Variants in ANK3 observed in about 807,000 individuals in gnomAD.
The protein encoded by ANK3 is ankyrin-3.
A neutral mutation model predicts 370.9 loss-of-function variants in ANK3; 57 were observed. The ratio of observed to expected loss-of-function variants is 0.15; its 90% CI spans 0.12 to 0.19. The LOEUF is 0.19. ANK3 is among the 10% of genes least tolerant of loss of function. ANK3 has a pLI of 1.00. For synonymous variants in ANK3, 1,929 were observed against 1,946.3 expected, an observed-to-expected ratio of 0.99 and a Z score of 0.23; for missense variants, 4,439 against 5,302.1, an observed-to-expected ratio of 0.84 and a Z score of 5.06.
intron 16 of ANK3, among the ~76,000 whole-genome samples, chr10:60,191,632 C>A (rs1178445191): frequency 2.0e-5 from 3 of 152,036 alleles, no homozygotes; most frequent in Non-Finnish European, 2.9e-5. Flanking sequence ...TTAGTAGGAA[C>A]GTAAATTAAT....
At chr10:60,447,486 C>T (rs1173973467) in intron 2 of ANK3, among the ~76,000 whole-genome samples, 1 of 152,070 alleles carries the variant, frequency 6.6e-6, no homozygotes, top group Non-Finnish European at 1.5e-5. Context: ...GTCCGTGCTA[C>T]TCCAGTAGTA....
chr10:60,631,373 C>G (rs758797971), intron 1 of ANK3, among the ~76,000 whole-genome samples: 15 of 150,120 alleles, frequency 1.0e-4, no homozygotes, highest in Non-Finnish European at 1.9e-4. Context: ...CTAAAAATAC[C>G]AAAAAAAAAT....
intron 2 of ANK3, among the ~76,000 whole-genome samples, chr10:60,428,627 G>A (rs946474969): frequency 2.0e-5 from 3 of 152,122 alleles, no homozygotes; most frequent in East Asian, 1.9e-4. Context: ...AAACTGCATT[G>A]GCATTGAAAT....
At chr10:60,232,212 GAT>G (rs1480225570) in intron 8 of ANK3, among the ~76,000 whole-genome samples, 6 of 152,220 alleles carry the variant, frequency 3.9e-5, no homozygotes, top group African/African-American at 1.4e-4. Flanking sequence ...CTGTTCTGTT[GAT>G]TGACTATATC....
chr10:60,173,283 T>G, intron 18 of ANK3, 97 bp from the exon 19 acceptor site: 1 of 992,756 alleles, frequency 1.0e-6, no homozygotes, highest in Admixed American at 3.0e-5. Context: ...ACCTTTCTTT[T>G]TGAGCTGGCA....
At chr10:60,170,894 T>C (rs552394083) in intron 21 of ANK3, among the ~76,000 whole-genome samples, 1 of 152,334 alleles carries the variant, frequency 6.6e-6, no homozygotes, top group South Asian at 2.1e-4. Flanking sequence ...AAATAAGATG[T>C]GTATTTTGAA....
intron 1 of ANK3, among the ~76,000 whole-genome samples, chr10:60,690,725 A>G (rs1016352507): frequency 2.6e-5 from 4 of 152,164 alleles, no homozygotes; most frequent in East Asian, 1.9e-4. Context: ...AGTTAATACA[A>G]CCTACCAACC....
intron 1 of ANK3, among the ~76,000 whole-genome samples, chr10:60,732,738 T>A (rs1278831337): frequency 6.6e-6 from 1 of 151,824 alleles, no homozygotes; most frequent in Non-Finnish European, 1.5e-5. Flanking sequence ...GAAGGTAACT[T>A]TCAGAGTCTG....
intron 1 of ANK3, among the ~76,000 whole-genome samples, chr10:60,328,996 C>T (rs529072307): frequency 1.2e-4 from 19 of 152,252 alleles, no homozygotes; most frequent in East Asian, 3.9e-4. Context: ...AATCAATAAA[C>T]GTAATCCATC....
At chr10:60,191,663 T>C (rs2096484392) in intron 16 of ANK3, among the ~76,000 whole-genome samples, 1 of 152,166 alleles carries the variant, frequency 6.6e-6, no homozygotes. Context: ...AGGACAATTG[T>C]AAGGAGATAT....
In ANK3 at chr10:60,045,233, T is replaced by A. The variant is rs537799953; in HGVS notation, c.13066-2474A>T. Among the ~76,000 whole-genome samples the A allele has an allele frequency of 3.9e-5, 6 of 152,346 alleles. No individual in the cohort carries two copies. In the East Asian group the frequency reaches 5.8e-4, roughly 15 times the overall value. ...ATTGACAAAATTATCAGAGTCACTATCTTTTACATTCCAGTAATACAGAGT... is the reference window on the plus strand; with the variant it reads ...ATTGACAAAATTATCAGAGTCACTAACTTTTACATTCCAGTAATACAGAGT... On this transcript the variant is annotated intron_variant, in intron 42 of 43. Coordinates refer to ENST00000280772, the MANE Select transcript of ANK3 (RefSeq NM_020987.5).
intron 2 of ANK3, among the ~76,000 whole-genome samples, chr10:60,516,121 C>A (rs1019408072): frequency 6.6e-6 from 1 of 151,992 alleles, no homozygotes; most frequent in East Asian, 1.9e-4. Context: ...TAGGGACCTA[C>A]TAAGTGTGGC....
intron 1 of ANK3, among the ~76,000 whole-genome samples, chr10:60,669,001 A>C (rs1280650215): frequency 6.6e-5 from 10 of 152,158 alleles, no homozygotes; most frequent in Non-Finnish European, 1.2e-4. Context: ...TCAAAAAAAA[A>C]AAAATTATTC....
At chr10:60,630,409 C>G (rs1329482046) in intron 1 of ANK3, among the ~76,000 whole-genome samples, 2 of 152,116 alleles carry the variant, frequency 1.3e-5, no homozygotes, top group African/African-American at 4.8e-5. Context: ...GCTGCAACAG[C>G]AAGGTGAACG....
At chr10:60,138,204 A>G (rs1325261817) in intron 24 of ANK3, among the ~76,000 whole-genome samples, 1 of 152,204 alleles carries the variant, frequency 6.6e-6, no homozygotes, top group Non-Finnish European at 1.5e-5. Context: ...CTTAAACTAT[A>G]GGAAAATGTC....
At chr10:60,712,114 G>A (rs1195412011) in intron 1 of ANK3, among the ~76,000 whole-genome samples, 1 of 152,220 alleles carries the variant, frequency 6.6e-6, no homozygotes, top group Non-Finnish European at 1.5e-5. Context: ...AGGAGGCTGA[G>A]GTGGGAGGAT....
chr10:60,650,274 C>T (rs1306990700), intron 1 of ANK3, among the ~76,000 whole-genome samples: 1 of 149,370 alleles, frequency 6.7e-6, no homozygotes, highest in Non-Finnish European at 1.5e-5. Flanking sequence ...CATTTATTTA[C>T]ATATTAGCTA....
At chr10:60,386,818 T>C (rs4948412) in intron 1 of ANK3, among the ~76,000 whole-genome samples, 11,785 of 152,160 alleles carry the variant, frequency 0.077, 909 homozygotes, top group East Asian at 0.26. Context: ...AGATACTCTT[T>C]AGGATTTTCC....
At chr10:60,667,185 ATATTATATTATATTATAT>A (rs1230737567) in intron 1 of ANK3, among the ~76,000 whole-genome samples, 181 of 752 alleles carry the variant, frequency 0.24, no homozygotes, top group Admixed American at 0.37. Context: ...ATATTATATC[ATATTATATTATATTATAT>A]TATATTATAT....
Sources: gnomAD v4.1 joint callset for allele counts (sites outside exome capture counted in the v4.1 genomes callset) on GRCh38, gnomAD v4.1.1 for gene constraint, MANE v1.5 for transcripts, NCBI Gene and HGNC (gene_info 2026-07-23, HGNC 2026-07-21) for gene names.